Variants in ASCC3 observed in about 807,000 individuals in gnomAD.
ASCC3 encodes the protein activating signal cointegrator 1 complex subunit 3, also known as ASC-1 complex subunit P200.
Under a neutral mutation model 256.3 loss-of-function variants are expected in ASCC3, and 158 were observed. That is an observed-to-expected ratio of 0.62 (90% confidence interval 0.54 to 0.70). The LOEUF is 0.70. Among genes scored for constraint, ASCC3 ranks in the 30% least tolerant of loss-of-function variants. The pLI, the probability that ASCC3 is intolerant of heterozygous loss-of-function variation, is 0.00. For synonymous variants in ASCC3, 948 were observed against 883.4 expected (o/e 1.07, Z -1.30); for missense variants, 2,259 against 2,626.0 (o/e 0.86, Z 3.05).
chr6:100,586,524 C>G (rs1771695200), intron 36 of ASCC3, among the ~76,000 whole-genome samples: 1 of 152,172 alleles, frequency 6.6e-6, no homozygotes, highest in Non-Finnish European at 1.5e-5. Context: ...CTCCCTGACC[C>G]CTTGTGCTTC....
intron 4 of ASCC3, among the ~76,000 whole-genome samples, chr6:100,809,627 TGTAGA>T (rs1770362856): frequency 6.6e-6 from 1 of 152,094 alleles, no homozygotes. Flanking sequence ...AACAAAATCT[TGTAGA>T]GTACTCAATA....
chr6:100,517,951 A>G (rs1368570197), intron 38 of ASCC3, 40 bp downstream of exon 38: 1 of 1,601,522 alleles, frequency 6.2e-7, no homozygotes, highest in African/African-American at 1.3e-5. Context: ...TTTTTTTGAA[A>G]TCAAAACAAA....
At chr6:100,575,039 C>T (rs1349231032) in intron 36 of ASCC3, among the ~76,000 whole-genome samples, 1 of 152,006 alleles carries the variant, frequency 6.6e-6, no homozygotes, top group African/African-American at 2.4e-5. Context: ...GCTCTTCTCG[C>T]AAACCCTGGA....
In ASCC3 at chr6:100,647,269, CTT is replaced by C; in HGVS notation, c.3433_3434del (p.Lys1145AlafsTer5). 6.2e-7 allele frequency: 1 copy of C among 1,613,952 alleles called. No individual in the cohort carries two copies. Among genetic ancestry groups the C allele is most frequent in the Non-Finnish European group, 8.5e-7 (1 of 1,179,946 alleles). On this transcript the variant is annotated frameshift_variant, in exon 21 of 42. Transcript: ENST00000369162. LOFTEE classifies it high-confidence loss of function. ...TGTCTTTCAGCTTATCCACAGTAAG[CTT>C]TTTTTCTTCTAATCTTGTTAGGATG... is the stretch of plus-strand genomic sequence containing the variant. The part of the protein sequence containing the change: ...PHILTRLEEK[K>X]LTVDKLKDMR...
chr6:100,693,452 T>C (rs1345336200), intron 13 of ASCC3, among the ~76,000 whole-genome samples: 1 of 152,144 alleles, frequency 6.6e-6, no homozygotes, highest in Non-Finnish European at 1.5e-5. Flanking sequence ...CAGGTCTGTC[T>C]TATTATATAT....
At chr6:100,868,291 CA>C (rs1438483626) in intron 1 of ASCC3, among the ~76,000 whole-genome samples, 10 of 152,156 alleles carry the variant, frequency 6.6e-5, no homozygotes, top group African/African-American at 2.4e-4. Flanking sequence ...TTCCCAAGTA[CA>C]GGCATCAAAT....
intron 14 of ASCC3, among the ~76,000 whole-genome samples, chr6:100,667,362 G>A (rs1003284473): frequency 3.9e-5 from 6 of 152,096 alleles, no homozygotes; most frequent in Admixed American, 2.0e-4. Flanking sequence ...TGTTCAGAGG[G>A]TGTGGGGCAA....
At chr6:100,755,364 CTCT>C (rs1263295960) in intron 10 of ASCC3, among the ~76,000 whole-genome samples, 2 of 124,402 alleles carry the variant, frequency 1.6e-5, no homozygotes, top group Non-Finnish European at 3.7e-5. Flanking sequence ...AATGTGCTTC[CTCT>C]TTTTTTTTTC....
At chr6:100,752,968 T>C (rs117445795) in intron 10 of ASCC3, among the ~76,000 whole-genome samples, 1 of 152,254 alleles carries the variant, frequency 6.6e-6, no homozygotes, top group East Asian at 1.9e-4. Flanking sequence ...CTGTATAGTA[T>C]AATTCTGTGC....
intron 34 of ASCC3, among the ~76,000 whole-genome samples, chr6:100,596,135 A>T (rs1422577100): frequency 6.6e-6 from 1 of 152,126 alleles, no homozygotes; most frequent in Non-Finnish European, 1.5e-5. Flanking sequence ...AATCCCAAGC[A>T]GTTAAATTTT....
intron 37 of ASCC3, among the ~76,000 whole-genome samples, chr6:100,522,385 A>G (rs1196607793): frequency 6.6e-6 from 1 of 152,134 alleles, no homozygotes; most frequent in Non-Finnish European, 1.5e-5. Context: ...CAAAAACAAT[A>G]GGGTTTTCAT....
At chr6:100,701,543 A>G (rs1232839916) in intron 13 of ASCC3, among the ~76,000 whole-genome samples, 1 of 152,172 alleles carries the variant, frequency 6.6e-6, no homozygotes, top group Non-Finnish European at 1.5e-5. Context: ...ACAGTGCCTA[A>G]CGGTGCATTT....
intron 36 of ASCC3, among the ~76,000 whole-genome samples, chr6:100,553,759 C>A (rs998758410): frequency 2.0e-5 from 3 of 152,058 alleles, no homozygotes; most frequent in Non-Finnish European, 4.4e-5. Flanking sequence ...CTGCTGTTCT[C>A]TGAATACTTT....
At chr6:100,675,790 A>C (rs1030479371) in intron 14 of ASCC3, among the ~76,000 whole-genome samples, 62 of 152,316 alleles carry the variant, frequency 4.1e-4, no homozygotes, top group African/African-American at 1.5e-3. Flanking sequence ...GCCATAAATC[A>C]GAAACATACG....
chr6:100,511,677 G>C (rs933522144), intron 40 of ASCC3, among the ~76,000 whole-genome samples: 1 of 151,998 alleles, frequency 6.6e-6, no homozygotes, highest in Non-Finnish European at 1.5e-5. Context: ...AGGTTGCAGT[G>C]AGCCAAGTCT....
intron 1 of ASCC3, 148 bp downstream of exon 1, chr6:100,880,913 A>G (rs1769272104): frequency 6.6e-6 from 1 of 152,212 alleles, no homozygotes; most frequent in Non-Finnish European, 1.5e-5. Flanking sequence ...CATGCCACTG[A>G]AAAGGATGAC....
chr6:100,643,951 C>A, intron 23 of ASCC3, 80 bp downstream of exon 23: 1 of 939,686 alleles, frequency 1.1e-6, no homozygotes, highest in Non-Finnish European at 1.6e-6. Flanking sequence ...TATAAAATTA[C>A]AGAGAAATAA....
chr6:100,560,750 C>CACAT lies in ASCC3; in HGVS notation c.5551-20364_5551-20363insATGT, dbSNP rs1769890154. 6.8e-5 allele frequency among the ~76,000 whole-genome samples: 7 copies of CACAT among 103,400 alleles called. No individual in the cohort carries two copies. In the South Asian group the frequency reaches 2.1e-3, roughly 31 times the overall value. 67.8% of individuals were successfully genotyped at this position (103,400 alleles called of 152,430 possible). ...TCAAACCCCAAACATCTTAGAGGAA[C>CACAT]ACACACACACACACACACACACACA... is the stretch of plus-strand genomic sequence containing the variant. On this transcript the variant is annotated intron_variant, in intron 36 of 41. Coordinates refer to ENST00000369162, the MANE Select transcript of ASCC3 (RefSeq NM_006828.4).
intron 4 of ASCC3, among the ~76,000 whole-genome samples, chr6:100,840,488 C>CTT (rs67554743): frequency 0.079 from 8,555 of 108,252 alleles, 976 homozygotes; most frequent in East Asian, 0.13. Context: ...CCACGCCAGG[C>CTT]TTTTTTTTTT....
Sources: allele counts gnomAD v4.1 joint callset (sites outside exome capture counted in the v4.1 genomes callset), GRCh38; gene constraint gnomAD v4.1.1; transcripts MANE v1.5; gene names NCBI Gene and HGNC (gene_info 2026-07-23, HGNC 2026-07-21).